The following SHANK2 variants were observed in gnomAD, a reference collection of about 807,000 sequenced individuals.
SHANK2 encodes SH3 and multiple ankyrin repeat domains protein 2.
A neutral mutation model predicts 133.7 loss-of-function variants in SHANK2; 43 were observed. That is an observed-to-expected ratio of 0.32 (90% CI 0.25 to 0.41). The LOEUF is 0.41. Ranked by LOEUF, SHANK2 falls within the 10% of genes least tolerant of loss-of-function variation. SHANK2 has a pLI of 1.00. For synonymous variants in SHANK2, 1,017 were observed against 952.8 expected (o/e 1.07, Z -1.24); for missense variants, 1,994 against 2,235.8 (o/e 0.89, Z 2.18).
At chr11:71,167,917 G>T (rs191630697) in intron 2 of SHANK2, among the ~76,000 whole-genome samples, 3 of 147,132 alleles carry the variant, frequency 2.0e-5, no homozygotes, top group East Asian at 4.0e-4. Context: ...CTGTCCGGGC[G>T]GGGGGCTGAC....
intron 17 of SHANK2, among the ~76,000 whole-genome samples, chr11:70,584,701 C>T (rs545254088): frequency 3.9e-5 from 6 of 152,304 alleles, no homozygotes; most frequent in African/African-American, 1.4e-4. Flanking sequence ...CCTAATGGAC[C>T]TTGTGCTTCC....
In SHANK2 at chr11:70,745,317, C is replaced by CT. The variant is rs1354989393; in HGVS notation, c.1778-46555dup. Among the ~76,000 whole-genome samples, 7 of 152,236 alleles carry CT rather than the reference C, an allele frequency of 4.6e-5. 2 individuals carry two copies. The South Asian group carries it at 1.4e-3, about 32-fold the overall frequency. On this transcript the variant is annotated intron_variant, in intron 14 of 25. Transcript: ENST00000601538. ...GCAAGCTCGTGATACCCAGCCTCTG[C>CT]TTACTCTCGGTTGAGTGGTCTCCAC...
At chr11:70,708,044 A>C (rs368121703) in intron 14 of SHANK2, among the ~76,000 whole-genome samples, 2 of 152,318 alleles carry the variant, frequency 1.3e-5, no homozygotes, top group African/African-American at 4.8e-5. Flanking sequence ...ACACAGCACC[A>C]GTGGAGGGAG....
chr11:70,950,443 A>C (rs1296917149), intron 10 of SHANK2, among the ~76,000 whole-genome samples: 1 of 152,008 alleles, frequency 6.6e-6, no homozygotes, highest in African/African-American at 2.4e-5. Flanking sequence ...CGCCCGCTTC[A>C]GCCCCCCAAA....
chr11:71,212,048 C>T (rs969788427), intron 2 of SHANK2, among the ~76,000 whole-genome samples: 2 of 152,136 alleles, frequency 1.3e-5, no homozygotes, highest in Non-Finnish European at 1.5e-5. Flanking sequence ...CTGCAAACAC[C>T]GTGTCGCATG....
intron 17 of SHANK2, among the ~76,000 whole-genome samples, chr11:70,618,908 C>A (rs570831522): frequency 6.6e-6 from 1 of 152,188 alleles, no homozygotes; most frequent in Non-Finnish European, 1.5e-5. Context: ...CCAGGGCAGG[C>A]GAGCTTCTCT....
chr11:70,809,262 C>T (rs1344219224), intron 12 of SHANK2, among the ~76,000 whole-genome samples: 2 of 151,804 alleles, frequency 1.3e-5, no homozygotes, highest in Admixed American at 6.6e-5. Context: ...GACCATGGTT[C>T]CCCTCCCAAA....
chr11:70,660,831 A>G (rs1459278186), intron 16 of SHANK2, among the ~76,000 whole-genome samples: 3 of 152,226 alleles, frequency 2.0e-5, no homozygotes, highest in African/African-American at 7.2e-5. Context: ...CTCCTGCAGC[A>G]CAGGTGCGGG....
intron 2 of SHANK2, among the ~76,000 whole-genome samples, chr11:71,193,512 A>G (rs1473464454): frequency 1.3e-5 from 2 of 152,190 alleles, no homozygotes; most frequent in African/African-American, 4.8e-5. Context: ...TCTCTGTCAT[A>G]ACATGAGATA....
chr11:71,161,384 A>G (rs1953014278), intron 2 of SHANK2, among the ~76,000 whole-genome samples: 1 of 152,202 alleles, frequency 6.6e-6, no homozygotes, highest in Non-Finnish European at 1.5e-5. Flanking sequence ...TACACTCTAT[A>G]GAGAATCCCC....
At chr11:71,155,415 G>A (rs1952888791) in intron 2 of SHANK2, among the ~76,000 whole-genome samples, 2 of 145,260 alleles carry the variant, frequency 1.4e-5, no homozygotes, top group East Asian at 2.1e-4. Context: ...TCCCAGAAGA[G>A]GGATGGACCT....
chr11:70,490,225 G>T, intron 23 of SHANK2, 51 bp downstream of exon 23: 1 of 1,467,924 alleles, frequency 6.8e-7, no homozygotes, highest in Non-Finnish European at 9.6e-7. Flanking sequence ...GCCTAAGGCT[G>T]TGTTTGAAAG....
intron 17 of SHANK2, among the ~76,000 whole-genome samples, chr11:70,505,980 G>T (rs1175601380): frequency 1.3e-5 from 2 of 152,212 alleles, no homozygotes; most frequent in Non-Finnish European, 2.9e-5. Flanking sequence ...TTTGGGAGAA[G>T]CAGTTTGTTC....
intron 11 of SHANK2, among the ~76,000 whole-genome samples, chr11:70,868,229 G>A (rs572748231): frequency 2.6e-5 from 4 of 152,284 alleles, no homozygotes; most frequent in Non-Finnish European, 5.9e-5. Context: ...GGGTCGCATA[G>A]ACACAGAGGC....
chr11:70,488,972 C>T (rs181578457), intron 24 of SHANK2: 7 of 317,638 alleles, frequency 2.2e-5, no homozygotes, highest in East Asian at 8.4e-5. Context: ...AAGCGAGACA[C>T]GCACACACAC....
At chr11:71,158,767 A>G (rs1426222388) in intron 2 of SHANK2, among the ~76,000 whole-genome samples, 1 of 152,244 alleles carries the variant, frequency 6.6e-6, no homozygotes, top group Non-Finnish European at 1.5e-5. Flanking sequence ...AAATAGATGG[A>G]TTTAAAAAGC....
chr11:70,493,285 A>G (rs1286034058), intron 21 of SHANK2, among the ~76,000 whole-genome samples: 2 of 149,106 alleles, frequency 1.3e-5, no homozygotes, highest in African/African-American at 4.9e-5. Context: ...TTCAGAGGCC[A>G]GGGTGCTCGT....
intron 4 of SHANK2, among the ~76,000 whole-genome samples, chr11:71,115,096 G>A (rs117056898): frequency 0.021 from 3,205 of 152,244 alleles, 40 homozygotes; most frequent in African/African-American, 0.037. Context: ...ACTGATGCCC[G>A]CCCCTAATGT....
chr11:70,724,067 A>G (rs1946125951), intron 14 of SHANK2, among the ~76,000 whole-genome samples: 2 of 146,938 alleles, frequency 1.4e-5, no homozygotes, highest in Admixed American at 6.8e-5. Context: ...ATGGAGTCTC[A>G]CTCTGTTGCC....
Sources: allele counts gnomAD v4.1 joint callset (sites outside exome capture counted in the v4.1 genomes callset), GRCh38; gene constraint gnomAD v4.1.1; transcripts MANE v1.5; gene names NCBI Gene and HGNC (gene_info 2026-07-23, HGNC 2026-07-21).